Variants in PTPRJ observed in about 807,000 individuals in gnomAD.
PTPRJ encodes the protein receptor-type tyrosine-protein phosphatase eta.
In PTPRJ, 129 loss-of-function variants were observed where a neutral mutation model predicts 141.3. That is an observed-to-expected ratio of 0.91 (90% CI 0.79 to 1.06). The LOEUF (loss-of-function observed/expected upper bound fraction) is 1.06, where lower values mean the gene tolerates loss of function less well. Ranked by LOEUF, PTPRJ falls within the 50% of genes least tolerant of loss-of-function variation. The pLI, the probability that PTPRJ is intolerant of heterozygous loss-of-function variation, is 0.00. For missense variants in PTPRJ, 1,601 were observed against 1,679.7 expected, an observed-to-expected ratio of 0.95 and a Z score of 0.82; for synonymous variants, 610 against 640.5, an observed-to-expected ratio of 0.95 and a Z score of 0.72.
intron 1 of PTPRJ, among the ~76,000 whole-genome samples, chr11:48,023,807 T>C (rs1853728303): frequency 6.6e-6 from 1 of 151,200 alleles, no homozygotes. Flanking sequence ...AATAAATAAA[T>C]AAATAAATAA....
chr11:48,075,082 G>T (rs916617253), intron 1 of PTPRJ, among the ~76,000 whole-genome samples: 10 of 152,182 alleles, frequency 6.6e-5, no homozygotes, highest in Admixed American at 1.3e-4. Flanking sequence ...GAACCTCCAA[G>T]ATTTTTCTGT....
chr11:47,990,464 C>T (rs1357132769), intron 1 of PTPRJ, among the ~76,000 whole-genome samples: 2 of 151,974 alleles, frequency 1.3e-5, no homozygotes, highest in African/African-American at 4.8e-5. Context: ...GCTCTGTCAC[C>T]CAGGCTGGAT....
At chr11:48,061,026 G>A (rs749897984) in intron 1 of PTPRJ, among the ~76,000 whole-genome samples, 13 of 152,158 alleles carry the variant, frequency 8.5e-5, no homozygotes, top group Non-Finnish European at 1.3e-4. Flanking sequence ...TGGAGACGGA[G>A]TTTTGCTCTT....
chr11:48,147,529 G>A (rs1039046681), intron 15 of PTPRJ, among the ~76,000 whole-genome samples: 1 of 152,224 alleles, frequency 6.6e-6, no homozygotes, highest in African/African-American at 2.4e-5. Flanking sequence ...CTGCATCTGT[G>A]CTTTCTGTGA....
At chr11:47,988,345 TG>T (rs1447645780) in intron 1 of PTPRJ, among the ~76,000 whole-genome samples, 2 of 149,986 alleles carry the variant, frequency 1.3e-5, no homozygotes, top group Admixed American at 6.6e-5. Context: ...TTAATTTTAT[TG>T]TTTTTTTTTT....
intron 1 of PTPRJ, among the ~76,000 whole-genome samples, chr11:48,038,278 G>A (rs1157482445): frequency 1.3e-5 from 2 of 152,096 alleles, no homozygotes; most frequent in Non-Finnish European, 2.9e-5. Context: ...ACTTCCAGTG[G>A]TGAGAGTTCC....
intron 1 of PTPRJ, among the ~76,000 whole-genome samples, chr11:48,085,878 C>T (rs1855691833): frequency 6.6e-6 from 1 of 152,126 alleles, no homozygotes; most frequent in Non-Finnish European, 1.5e-5. Context: ...GAGAGGTTTG[C>T]CTTTCCAGCT....
chr11:47,996,161 A>G (rs1371273006), intron 1 of PTPRJ, among the ~76,000 whole-genome samples: 1 of 151,290 alleles, frequency 6.6e-6, no homozygotes, highest in Non-Finnish European at 1.5e-5. Context: ...GTGAAACCCC[A>G]TCTCTACTAA....
intron 1 of PTPRJ, among the ~76,000 whole-genome samples, chr11:48,015,541 A>T (rs1854927747): frequency 6.6e-6 from 1 of 152,136 alleles, no homozygotes; most frequent in South Asian, 2.1e-4. Flanking sequence ...AAACCACCAC[A>T]TATACTTGGT....
At chr11:48,090,158 C>T (rs1383990178) in intron 1 of PTPRJ, among the ~76,000 whole-genome samples, 1 of 152,178 alleles carries the variant, frequency 6.6e-6, no homozygotes, top group Non-Finnish European at 1.5e-5. Context: ...GGCCTGGGAG[C>T]AGCCCTCGAG....
chr11:48,131,760 A>T, intron 8 of PTPRJ: 1 of 451,152 alleles, frequency 2.2e-6, no homozygotes, highest in Non-Finnish European at 3.9e-6. Context: ...ATGTTTGCTG[A>T]CCTCTGGGCT....
chr11:48,110,999 G>T (rs537316161), intron 2 of PTPRJ, among the ~76,000 whole-genome samples: 1 of 152,148 alleles, frequency 6.6e-6, no homozygotes, highest in Admixed American at 6.5e-5. Flanking sequence ...ATTGAAGGCC[G>T]GGCCTGGTGG....
chr11:48,164,618 G>C (rs1355827089), intron 24 of PTPRJ, 103 bp downstream of exon 24: 12 of 1,240,522 alleles, frequency 9.7e-6, no homozygotes, highest in Non-Finnish European at 1.3e-5. Context: ...CCAGGCTGGA[G>C]TGCAGTGGCA....
intron 19 of PTPRJ, among the ~76,000 whole-genome samples, chr11:48,154,849 C>G (rs1321240062): frequency 2.0e-5 from 3 of 151,978 alleles, no homozygotes; most frequent in East Asian, 3.9e-4. Context: ...GATTATTGGC[C>G]CCTTTTTGTG....
At position 48,077,861 on chromosome 11, in the gene PTPRJ, T is replaced by C. The variant is rs189617517; in HGVS notation, c.97-32197T>C. Among the ~76,000 whole-genome samples the C allele has an allele frequency of 2.4e-3, 364 of 152,326 alleles. 2 individuals are homozygous for C. The highest frequency in any genetic ancestry group is 8.5e-3 in the African/African-American group (352 of 41,574). On this transcript the variant is annotated intron_variant, in intron 1 of 24. Transcript: ENST00000418331. ...TTTGTAACCTTGTGAACAAATATTC[T>C]ACTCATTTTATTCTACTGGAATGAT...
At chr11:48,058,003 C>T (rs12289488) in intron 1 of PTPRJ, among the ~76,000 whole-genome samples, 2 of 151,910 alleles carry the variant, frequency 1.3e-5, no homozygotes, top group African/African-American at 2.4e-5. Flanking sequence ...CCTCCGCCTC[C>T]CGGGTTCAAG....
At chr11:48,011,565 C>T (rs1196871464) in intron 1 of PTPRJ, among the ~76,000 whole-genome samples, 3 of 152,200 alleles carry the variant, frequency 2.0e-5, no homozygotes, top group Non-Finnish European at 4.4e-5. Context: ...TCTGGCAGAC[C>T]ATGAGAACCT....
At chr11:48,066,640 C>T (rs893562390) in intron 1 of PTPRJ, among the ~76,000 whole-genome samples, 4 of 151,178 alleles carry the variant, frequency 2.6e-5, no homozygotes, top group Non-Finnish European at 5.9e-5. Context: ...GGCTGGAGTG[C>T]GGTGGTGCCA....
chr11:48,070,792 T>G (rs1855226402), intron 1 of PTPRJ, among the ~76,000 whole-genome samples: 1 of 152,358 alleles, frequency 6.6e-6, no homozygotes, highest in African/African-American at 2.4e-5. Context: ...CTATGTATTA[T>G]TCTGTGTGGA....
Sources: allele counts gnomAD v4.1 joint callset (sites outside exome capture counted in the v4.1 genomes callset), GRCh38; gene constraint gnomAD v4.1.1; transcripts MANE v1.5; gene names NCBI Gene and HGNC (gene_info 2026-07-23, HGNC 2026-07-21).